Variants in R3HDM1 observed in about 807,000 individuals in gnomAD.
The protein encoded by R3HDM1 is R3H domain-containing protein 1.
A neutral mutation model predicts 141.1 loss-of-function variants in R3HDM1; 46 were observed. The ratio of observed to expected loss-of-function variants is 0.33; its 90% CI spans 0.26 to 0.42. The LOEUF (loss-of-function observed/expected upper bound fraction) is 0.42, where lower values mean the gene tolerates loss of function less well. Among genes scored for constraint, R3HDM1 ranks in the 10% least tolerant of loss-of-function variants. The probability of loss-of-function intolerance (pLI) is 1.00; values close to 1 mark genes in which losing one functional copy is unlikely to be tolerated. For missense variants in R3HDM1, 1,184 were observed against 1,368.3 expected (o/e 0.87, Z 2.12); for synonymous variants, 435 against 472.9 (o/e 0.92, Z 1.04).
intron 18 of R3HDM1, among the ~76,000 whole-genome samples, chr2:135,657,367 C>T (rs143201224): frequency 1.2e-4 from 18 of 149,414 alleles, no homozygotes; most frequent in African/African-American, 3.7e-4. Flanking sequence ...GCTGAGATTG[C>T]GCCACTTCAC....
At chr2:135,551,144 GC>G (rs1266354158) in intron 1 of R3HDM1, among the ~76,000 whole-genome samples, 3 of 152,170 alleles carry the variant, frequency 2.0e-5, no homozygotes, top group African/African-American at 7.2e-5. Context: ...AAGATCATAG[GC>G]ACAGAGTAGT....
chr2:135,685,950 A>G (rs1179120299), intron 21 of R3HDM1, among the ~76,000 whole-genome samples: 1 of 152,206 alleles, frequency 6.6e-6, no homozygotes, highest in African/African-American at 2.4e-5. Context: ...TGCCAGCTGT[A>G]TATCTGATAT....
chr2:135,545,703 G>A (rs926696508), intron 1 of R3HDM1, among the ~76,000 whole-genome samples: 2 of 152,176 alleles, frequency 1.3e-5, no homozygotes, highest in African/African-American at 4.8e-5. Context: ...CATTAGTTAC[G>A]TGAATCATTC....
At chr2:135,676,752 A>C (rs543067380) in intron 20 of R3HDM1, among the ~76,000 whole-genome samples, 2 of 152,350 alleles carry the variant, frequency 1.3e-5, no homozygotes, top group South Asian at 4.1e-4. Context: ...CGAAGGTTGC[A>C]GTGAGCTGAG....
At chr2:135,627,679 T>C (rs1339089298) in intron 7 of R3HDM1, among the ~76,000 whole-genome samples, 2 of 152,114 alleles carry the variant, frequency 1.3e-5, no homozygotes, top group East Asian at 3.9e-4. Context: ...AAGGTGGATT[T>C]TTTTAAGTAA....
chr2:135,683,851 T>C (rs763309139), intron 21 of R3HDM1, among the ~76,000 whole-genome samples: 1 of 152,132 alleles, frequency 6.6e-6, no homozygotes, highest in Non-Finnish European at 1.5e-5. Flanking sequence ...TATTTTATCC[T>C]ACATATTTCA....
chr2:135,568,405 A>C (rs1346479174), intron 1 of R3HDM1, among the ~76,000 whole-genome samples: 2 of 150,458 alleles, frequency 1.3e-5, no homozygotes, highest in South Asian at 2.1e-4. Flanking sequence ...GCTGGAGTGC[A>C]GTTGTGTAAT....
At chr2:135,718,610 AGTAACTG>A (rs2076390694) in intron 24 of R3HDM1, among the ~76,000 whole-genome samples, 1 of 151,988 alleles carries the variant, frequency 6.6e-6, no homozygotes, top group Admixed American at 6.6e-5. Context: ...CAACCTCCTG[AGTAACTG>A]GGCTTACAGG....
chr2:135,541,362 CA>C (rs1697457507), intron 1 of R3HDM1, among the ~76,000 whole-genome samples: 1 of 152,142 alleles, frequency 6.6e-6, no homozygotes, highest in South Asian at 2.1e-4. Flanking sequence ...CGCCCGCCAC[CA>C]TGCCCGGCTA....
At chr2:135,645,608 A>T (rs2064311687) in intron 16 of R3HDM1, 81 bp downstream of exon 16, 2 of 1,485,018 alleles carry the variant, frequency 1.3e-6, no homozygotes, top group Non-Finnish European at 1.8e-6. Flanking sequence ...TATAATTGAG[A>T]TAGCCTAAGT....
At chr2:135,596,099 A>G (rs1259699811) in intron 1 of R3HDM1, among the ~76,000 whole-genome samples, 2 of 152,114 alleles carry the variant, frequency 1.3e-5, no homozygotes, top group Non-Finnish European at 2.9e-5. Context: ...CCCAGGCTCC[A>G]GCGATTCTCC....
intron 1 of R3HDM1, among the ~76,000 whole-genome samples, chr2:135,596,681 T>A (rs192144684): frequency 2.6e-5 from 4 of 152,326 alleles, no homozygotes. Context: ...CTGACATTCT[T>A]CTTTGGACTT....
chr2:135,598,114 T>G (rs2059343355), intron 1 of R3HDM1, among the ~76,000 whole-genome samples: 1 of 152,194 alleles, frequency 6.6e-6, no homozygotes, highest in East Asian at 1.9e-4. Flanking sequence ...TTGCTTTGTT[T>G]CATAGAGGAA....
intron 1 of R3HDM1, among the ~76,000 whole-genome samples, chr2:135,555,113 A>G (rs1346325333): frequency 2.0e-5 from 3 of 152,062 alleles, no homozygotes; most frequent in Non-Finnish European, 4.4e-5. Flanking sequence ...TTTCCTGGCC[A>G]ACATGGTGAA....
rs759614550 is a variant in R3HDM1, at chr2:135,661,301, A to G, written c.2060A>G (p.Tyr687Cys). ...MPACYCAPGH[Y>C]HSSQPQYRPV... ...GCCTGTTATTGCGCTCCAGGCCACTATCACTCCAGCCAACCTCAGTATCGC... is the reference window on the plus strand; with the variant it reads ...GCCTGTTATTGCGCTCCAGGCCACTGTCACTCCAGCCAACCTCAGTATCGC... Residue 687 changes from tyrosine (Y) to cysteine (C), a missense_variant, in exon 19 of 27, where the codon TAT becomes TGT. This residue lies in a region of R3HDM1 where 563 missense variants were observed against 562.0 expected (regional missense o/e 1.00). Coordinates refer to ENST00000683871, the MANE Select transcript of R3HDM1 (RefSeq NM_001378107.1). 3.7e-6 allele frequency: 6 copies of G among 1,614,090 alleles called. No homozygotes were observed. The highest frequency in any genetic ancestry group is 4.5e-5 in the East Asian group (2 of 44,882).
At chr2:135,558,942 T>C (rs1701265210) in intron 1 of R3HDM1, 5 of 869,770 alleles carry the variant, frequency 5.7e-6, no homozygotes, top group Non-Finnish European at 5.5e-6. Flanking sequence ...CAAAATGTAA[T>C]TTAAAAAGTT....
chr2:135,566,024 C>G (rs1315981848), intron 1 of R3HDM1: 4 of 152,320 alleles, frequency 2.6e-5, no homozygotes, highest in Admixed American at 2.6e-4. Context: ...AAGGAGCTAG[C>G]AAGTCTAGCC....
intron 1 of R3HDM1, among the ~76,000 whole-genome samples, chr2:135,534,923 TG>T (rs1402663648): frequency 2.6e-5 from 4 of 152,210 alleles, no homozygotes; most frequent in African/African-American, 7.2e-5. Flanking sequence ...TAGTGAAAAT[TG>T]GTAGCAGTTT....
Position 135,616,614 on chromosome 2 carries a change from G to A in R3HDM1, c.214-54G>A, listed in dbSNP as rs926374955. ...TAGAAACTCTTTCTAGGGGGCTTTTGGATATGCCCTAGATTTCTGAAATGT... is the reference window on the plus strand; with the variant it reads ...TAGAAACTCTTTCTAGGGGGCTTTTAGATATGCCCTAGATTTCTGAAATGT... On this transcript the variant is annotated intron_variant, in intron 4 of 26. Transcript: ENST00000683871. 2.9e-6 allele frequency: 4 copies of A among 1,397,166 alleles called. No homozygotes were observed. In the African/African-American group the frequency reaches 5.8e-5, roughly 20 times the overall value. 86.5% of individuals were successfully genotyped at this position (1,397,166 alleles called of 1,614,324 possible).
Sources: allele counts gnomAD v4.1 joint callset (sites outside exome capture counted in the v4.1 genomes callset), GRCh38; gene constraint gnomAD v4.1.1; regional missense constraint gnomAD v4.1.1; transcripts MANE v1.5; gene names NCBI Gene and HGNC (gene_info 2026-07-23, HGNC 2026-07-21).